Variants in PACRG observed in about 807,000 individuals in gnomAD.
PACRG encodes the protein parkin coregulated.
Under a neutral mutation model 29.7 loss-of-function variants are expected in PACRG, and 29 were observed. The ratio of observed to expected loss-of-function variants is 0.98; its 90% CI spans 0.73 to 1.33. PACRG has a LOEUF of 1.33. Ranked by LOEUF, PACRG falls within the 40% of genes most tolerant of loss-of-function variation. The pLI is 0.00. For missense variants in PACRG, 279 were observed against 316.2 expected, an observed-to-expected ratio of 0.88 and a Z score of 0.89; for synonymous variants, 116 against 118.7, an observed-to-expected ratio of 0.98 and a Z score of 0.15.
intron 4 of PACRG, among the ~76,000 whole-genome samples, chr6:163,246,043 T>C (rs1782685091): frequency 6.6e-6 from 1 of 152,212 alleles, no homozygotes; most frequent in South Asian, 2.1e-4. Context: ...AAAGTCCCTC[T>C]GCTTCCGGGA....
At chr6:163,195,485 C>T (rs1184556849) in intron 4 of PACRG, among the ~76,000 whole-genome samples, 6 of 152,070 alleles carry the variant, frequency 3.9e-5, no homozygotes, top group Non-Finnish European at 8.8e-5. Context: ...AGGCCTCTTC[C>T]CTTTCCACAT....
intron 4 of PACRG, among the ~76,000 whole-genome samples, chr6:163,273,446 G>A (rs188265235): frequency 5.6e-4 from 85 of 152,128 alleles, no homozygotes; most frequent in African/African-American, 1.9e-3. Context: ...TGGACCTAGC[G>A]ACTTTTTCTT....
intron 4 of PACRG, among the ~76,000 whole-genome samples, chr6:163,221,692 G>A (rs772159443): frequency 6.6e-6 from 1 of 152,208 alleles, no homozygotes; most frequent in African/African-American, 2.4e-5. Flanking sequence ...GATGTGTTGT[G>A]TCCCTGCAAG....
At position 163,106,884 on chromosome 6, in the gene PACRG, G is replaced by A. The variant is rs1357955639; in HGVS notation, c.613+17476G>A. Among the ~76,000 whole-genome samples the A allele has an allele frequency of 2.0e-5, 3 of 152,182 alleles. No individual in the cohort carries two copies. The East Asian group carries it at 5.8e-4, about 29-fold the overall frequency. On this transcript the variant is annotated intron_variant, in intron 4 of 4. Transcript: ENST00000366888. ...AGCCAATTGCAAGAAATGCTCTTTA[G>A]AAAGAAGAATTTACAAGACTTGCTC...
intron 2 of PACRG, among the ~76,000 whole-genome samples, chr6:162,905,152 CAGG>C (rs1795841782): frequency 1.3e-5 from 2 of 152,060 alleles, no homozygotes; most frequent in African/African-American, 2.4e-5. Flanking sequence ...TTGCCTGACG[CAGG>C]AGGACTGGAG....
intron 4 of PACRG, among the ~76,000 whole-genome samples, chr6:163,237,763 A>G (rs746541774): frequency 3.9e-5 from 6 of 152,208 alleles, no homozygotes; most frequent in Non-Finnish European, 8.8e-5. Context: ...CTTTCTTTAT[A>G]GAAGTTCTAC....
intron 4 of PACRG, among the ~76,000 whole-genome samples, chr6:163,284,481 G>C (rs1324335376): frequency 6.6e-6 from 1 of 152,230 alleles, no homozygotes; most frequent in Non-Finnish European, 1.5e-5. Context: ...TGGGAGATGT[G>C]AGTGATTATT....
chr6:162,790,740 G>A (rs534475350), intron 1 of PACRG, among the ~76,000 whole-genome samples: 1 of 152,226 alleles, frequency 6.6e-6, no homozygotes, highest in African/African-American at 2.4e-5. Context: ...TGGAAGAAGA[G>A]TGCTTTAACA....
intron 3 of PACRG, among the ~76,000 whole-genome samples, chr6:163,083,142 A>C (rs1585173454): frequency 6.6e-6 from 1 of 152,334 alleles, no homozygotes; most frequent in East Asian, 1.9e-4. Context: ...TTACCAATGA[A>C]GTTTGTGAAA....
intron 4 of PACRG, among the ~76,000 whole-genome samples, chr6:163,272,892 C>CCTTTTTTTTTTT (rs1783887173): frequency 9.1e-6 from 1 of 109,480 alleles, no homozygotes; most frequent in East Asian, 2.6e-4. Flanking sequence ...ATGCATCATT[C>CCTTTTTTTTTTT]TTTTTTTTTT....
intron 2 of PACRG, among the ~76,000 whole-genome samples, chr6:162,859,854 T>C (rs1392520027): frequency 1.3e-5 from 2 of 152,238 alleles, no homozygotes; most frequent in African/African-American, 4.8e-5. Context: ...CTTTGGGTCT[T>C]AATTTCAGAA....
intron 1 of PACRG, among the ~76,000 whole-genome samples, chr6:162,768,020 C>G (rs1216841185): frequency 1.3e-5 from 2 of 151,976 alleles, no homozygotes; most frequent in Non-Finnish European, 2.9e-5. Context: ...ATGTTTATTA[C>G]TTTAAATAGG....
At chr6:162,957,672 CT>C (rs11321475) in intron 2 of PACRG, 104,988 of 152,054 alleles carry the variant, frequency 0.69, 36,433 homozygotes, top group East Asian at 0.78. Flanking sequence ...TCACTGTTTA[CT>C]TTTTTTTTTG....
In PACRG at chr6:162,741,438, G is replaced by A. The variant is rs150231706; in HGVS notation, c.156+13047G>A. ...TGGCTCTTGGTGAGGGCTCTCTTCC[G>A]TGCTTGCAGATAGCCACCTTCTTGC... On this transcript the variant is annotated intron_variant, in intron 1 of 4. Coordinates refer to ENST00000366888, the MANE Select transcript of PACRG (RefSeq NM_001080379.2). Among the ~76,000 whole-genome samples the A allele has an allele frequency of 1.3e-4, 20 of 152,262 alleles. 1 individual carries two copies. In the South Asian group the frequency reaches 1.9e-3, roughly 14 times the overall value.
intron 4 of PACRG, among the ~76,000 whole-genome samples, chr6:163,114,658 T>C (rs902472571): frequency 6.6e-6 from 1 of 151,992 alleles, no homozygotes; most frequent in African/African-American, 2.4e-5. Flanking sequence ...ATAATCAAAC[T>C]TAAAGAAGCA....
intron 4 of PACRG, chr6:163,165,812 C>T (rs887803075): frequency 1.8e-5 from 5 of 271,498 alleles, no homozygotes; most frequent in South Asian, 1.7e-4. Flanking sequence ...TCTGTGACGG[C>T]CCAGGCGAGG....
intron 4 of PACRG, among the ~76,000 whole-genome samples, chr6:163,110,655 G>A (rs1268141919): frequency 1.3e-5 from 2 of 152,148 alleles, no homozygotes; most frequent in African/African-American, 4.8e-5. Flanking sequence ...GAGGGAGGGT[G>A]GATACAAAAC....
intron 2 of PACRG, among the ~76,000 whole-genome samples, chr6:162,840,030 T>A (rs1424650627): frequency 8.1e-6 from 1 of 123,166 alleles, no homozygotes; most frequent in Non-Finnish European, 1.7e-5. Flanking sequence ...GGTAGTGTGA[T>A]GCCTCCAGCT....
chr6:163,127,835 C>A (rs949367002), intron 4 of PACRG, among the ~76,000 whole-genome samples: 1 of 152,196 alleles, frequency 6.6e-6, no homozygotes, highest in Non-Finnish European at 1.5e-5. Context: ...TGATGACAGC[C>A]TGCTGATTAT....
Sources: allele counts gnomAD v4.1 joint callset (sites outside exome capture counted in the v4.1 genomes callset), GRCh38; gene constraint gnomAD v4.1.1; transcripts MANE v1.5; gene names NCBI Gene and HGNC (gene_info 2026-07-23, HGNC 2026-07-21).